The following CEP192 variants were observed in gnomAD, a reference collection of about 807,000 sequenced individuals.
CEP192 encodes the protein centrosomal protein 192.
CEP192 carries 151 observed loss-of-function variants against 271.8 expected under a neutral mutation model. That is an observed-to-expected ratio of 0.56 (90% CI 0.49 to 0.64). The LOEUF (loss-of-function observed/expected upper bound fraction) is 0.64, where lower values mean the gene tolerates loss of function less well. CEP192 is among the 30% of genes least tolerant of loss of function. The pLI is 0.00. For synonymous variants in CEP192, 995 were observed against 1,076.5 expected (o/e 0.92, Z 1.48); for missense variants, 2,910 against 3,020.5 (o/e 0.96, Z 0.86).
At position 13,070,983 on chromosome 18, in the gene CEP192, T is replaced by A; in HGVS notation, c.5175-56T>A. ...TTGGACAATGGAAACATATAGGAAATAGTTGCGAAAAGAATTGAATACAGG... is the reference window on the plus strand; with the variant it reads ...TTGGACAATGGAAACATATAGGAAAAAGTTGCGAAAAGAATTGAATACAGG... On this transcript the variant is annotated intron_variant, in intron 27 of 44. Coordinates refer to ENST00000506447, the MANE Select transcript of CEP192 (RefSeq NM_032142.4). 3 of 1,415,112 alleles carry A rather than the reference T, an allele frequency of 2.1e-6. No homozygotes were observed. In the South Asian group the frequency reaches 3.6e-5, roughly 17 times the overall value. The allele number at this position is 1,415,112 out of a possible 1,614,324, so 87.7% of individuals were successfully genotyped here. A position where few individuals can be genotyped will look rare whatever the true frequency, so the allele number is the denominator to read the frequency against.
intron 18 of CEP192, among the ~76,000 whole-genome samples, chr18:13,054,250 G>A (rs1161561767): frequency 1.3e-5 from 2 of 152,250 alleles, no homozygotes; most frequent in Non-Finnish European, 2.9e-5. Context: ...GACAGTGCAC[G>A]CTTGGGCCAA....
At chr18:13,013,219 T>G (rs886088156) in intron 5 of CEP192, among the ~76,000 whole-genome samples, 194 bp downstream of exon 5, 1 of 144,024 alleles carries the variant, frequency 6.9e-6, no homozygotes, top group African/African-American at 3.0e-5. Context: ...TGCTGGTGCC[T>G]GGGACTGTAT....
At chr18:13,052,467 C>T (rs1330030712) in intron 17 of CEP192, among the ~76,000 whole-genome samples, 1 of 152,124 alleles carries the variant, frequency 6.6e-6, no homozygotes, top group East Asian at 1.9e-4. Context: ...ATATCTGAGT[C>T]AAGAGGCCTT....
At chr18:13,079,569 T>A (rs1159996000) in intron 30 of CEP192, among the ~76,000 whole-genome samples, 1 of 152,250 alleles carries the variant, frequency 6.6e-6, no homozygotes, top group Non-Finnish European at 1.5e-5. Flanking sequence ...TAAAAAATTT[T>A]CTCCCATTCT....
rs767554280 is a variant in CEP192, at chr18:13,048,063, C to G, written c.2068-796C>G. Among the ~76,000 whole-genome samples, 9 of 152,224 alleles carry G rather than the reference C, an allele frequency of 5.9e-5. No homozygotes were observed. In the South Asian group the frequency reaches 1.0e-3, roughly 18 times the overall value. On this transcript the variant is annotated intron_variant, in intron 15 of 44. Coordinates refer to ENST00000506447, the MANE Select transcript of CEP192 (RefSeq NM_032142.4). ...CTTAATTTTTTTGTTGCCATTAGAT[C>G]CTACATCATGCTTATAAAGATCAAA...
Position 13,057,170 on chromosome 18 carries a change from G to C in CEP192, c.4109-415G>C, listed in dbSNP as rs188540807. Among the ~76,000 whole-genome samples, 182 of 152,204 alleles carry C rather than the reference G, an allele frequency of 1.2e-3. 2 individuals are homozygous for C. The South Asian group carries it at 0.014, about 12-fold the overall frequency. On this transcript the variant is annotated intron_variant, in intron 19 of 44. Coordinates refer to ENST00000506447, the MANE Select transcript of CEP192 (RefSeq NM_032142.4). ...TCTCTGCCCTCCGGAGCAACTGCAT[G>C]AGGATGTTGGAACATAGGTGGTGGT...
At position 13,079,557 on chromosome 18, in the gene CEP192, A is replaced by G. The variant is rs539823081; in HGVS notation, c.5616+6372A>G. ...TATTAGCCCTTTGACAGATGGGTAG[A>G]TTAAAAAATTTTCTCCCATTCTGTA... On this transcript the variant is annotated intron_variant, in intron 30 of 44. Transcript: ENST00000506447. Among the ~76,000 whole-genome samples the G allele has an allele frequency of 9.2e-5, 14 of 152,220 alleles. No homozygotes were observed. The South Asian group carries it at 2.1e-3, about 23-fold the overall frequency.
intron 1 of CEP192, among the ~76,000 whole-genome samples, chr18:12,992,252 A>G (rs2145714192): frequency 6.6e-6 from 1 of 152,318 alleles, no homozygotes; most frequent in South Asian, 2.1e-4. Context: ...TTCTAGGCAA[A>G]AACGGCAAGC....
At chr18:13,043,104 G>T (rs781728364) in intron 15 of CEP192, among the ~76,000 whole-genome samples, 3 of 152,240 alleles carry the variant, frequency 2.0e-5, no homozygotes, top group Non-Finnish European at 2.9e-5. Context: ...GTACAGTGGG[G>T]TCTTCTTGTC....
intron 44 of CEP192, among the ~76,000 whole-genome samples, chr18:13,119,795 A>T (rs960132021): frequency 3.3e-5 from 5 of 152,246 alleles, no homozygotes; most frequent in Non-Finnish European, 7.3e-5. Flanking sequence ...ACAAAGTTTC[A>T]TTTAAAAAAA....
chr18:13,105,203 G>A (rs1255042606), intron 40 of CEP192, 124 bp downstream of exon 40: 9 of 708,096 alleles, frequency 1.3e-5, no homozygotes, highest in African/African-American at 3.5e-5. Flanking sequence ...GTCTGCACAC[G>A]AGAGAAGAGT....
chr18:13,003,221 G>C (rs762907676), intron 3 of CEP192, among the ~76,000 whole-genome samples: 3 of 152,102 alleles, frequency 2.0e-5, no homozygotes, highest in Non-Finnish European at 4.4e-5. Context: ...GCCTAAGGCA[G>C]GTAGATCGCC....
intron 2 of CEP192, 117 bp from the exon 3 acceptor site, chr18:13,001,340 G>C: frequency 1.6e-6 from 1 of 631,218 alleles, no homozygotes. Context: ...AAATACAGGG[G>C]CCCTATTTGT....
intron 9 of CEP192, among the ~76,000 whole-genome samples, chr18:13,019,827 T>C (rs2034881548): frequency 6.6e-6 from 1 of 152,084 alleles, no homozygotes; most frequent in African/African-American, 2.4e-5. Context: ...TAATCTTTTT[T>C]TTTTTTCTTT....
chr18:13,101,829 C>T (rs1019071531), intron 38 of CEP192, among the ~76,000 whole-genome samples: 1 of 152,146 alleles, frequency 6.6e-6, no homozygotes, highest in African/African-American at 2.4e-5. Flanking sequence ...CTGGCACTGC[C>T]TGTTTTGTGC....
rs2039189678 is a variant in CEP192, at chr18:13,092,424, A to G, written c.6151A>G (p.Ser2051Gly). Residue 2051 changes from serine to glycine, a missense_variant, in exon 34 of 45, where the codon AGC (serine) becomes GGC (glycine). Transcript: ENST00000506447. Reference protein sequence around the residue: ...RPNDVQLFYGSMCKIILSVIG... With the variant: ...RPNDVQLFYGGMCKIILSVIG... ...TAATGATGTTCAGCTCTTTTATGGA[A>G]GCATGTGTAAAATTATACTTTCAGT... 6.2e-7 allele frequency: 1 copy of G among 1,604,282 alleles called. No individual in the cohort carries two copies. The highest frequency in any genetic ancestry group is 1.1e-5 in the South Asian group (1 of 90,132).
rs78371244 is a variant in CEP192, at chr18:13,065,549, A to G, written c.4489-2282A>G. On this transcript the variant is annotated intron_variant, in intron 21 of 44. Coordinates refer to ENST00000506447, the MANE Select transcript of CEP192 (RefSeq NM_032142.4). Reference sequence around the variant, plus strand: ...TTACAAAAGAACTAAACTAGAATCCATAAGTTATGCTCATGTGTACAATTG... The same window carrying G: ...TTACAAAAGAACTAAACTAGAATCCGTAAGTTATGCTCATGTGTACAATTG... 8.1e-3 allele frequency among the ~76,000 whole-genome samples: 1,232 copies of G among 152,346 alleles called. 23 individuals carry two copies. The highest frequency in any genetic ancestry group is 0.023 in the African/African-American group (947 of 41,580).
intron 4 of CEP192, among the ~76,000 whole-genome samples, chr18:13,009,962 C>T (rs1448184491): frequency 6.6e-6 from 1 of 152,088 alleles, no homozygotes; most frequent in African/African-American, 2.4e-5. Context: ...AGTTCAATAT[C>T]AGCCTGGGCA....
intron 38 of CEP192, 39 bp from the exon 39 acceptor site, chr18:13,103,470 C>T: frequency 6.6e-7 from 1 of 1,524,220 alleles, no homozygotes; most frequent in Non-Finnish European, 9.1e-7. Context: ...GTTCTCCAGT[C>T]TCTCCGAGTT....
Sources: gnomAD v4.1 joint callset for allele counts (sites outside exome capture counted in the v4.1 genomes callset) on GRCh38, gnomAD v4.1.1 for gene constraint, MANE v1.5 for transcripts, NCBI Gene and HGNC (gene_info 2026-07-23, HGNC 2026-07-21) for gene names.